Variants in PPP1R26 observed in about 807,000 individuals in gnomAD.
PPP1R26 encodes the protein protein phosphatase 1 regulatory subunit 26.
PPP1R26 carries 22 observed loss-of-function variants against 67.6 expected under a neutral mutation model. That is an observed-to-expected ratio of 0.33 (90% CI 0.23 to 0.46). The LOEUF (loss-of-function observed/expected upper bound fraction) is 0.46. Ranked by LOEUF, PPP1R26 falls within the 20% of genes least tolerant of loss-of-function variation. PPP1R26 has a pLI of 1.00. For synonymous variants in PPP1R26, 729 were observed against 717.2 expected (o/e 1.02, Z -0.26); for missense variants, 1,602 against 1,651.4 (o/e 0.97, Z 0.52).
rs1289978823 is a variant in PPP1R26, at chr9:135,484,619, G to A, written c.109G>A (p.Gly37Ser). ...CAGGTGCTTCTCGGAGGCTGACGAG[G>A]GCGTGGAGAGCGCGTCGGTGAGCGC... The part of the protein sequence containing the change: ...FPRCFSEADE[G>S]VESASVSARV... Residue 37 changes from glycine to serine, a missense_variant, in exon 4 of 4, where the codon GGC (glycine) becomes AGC (serine). Gly to Ser is a moderately conservative substitution (Grantham distance 56). This residue lies in a region of PPP1R26 where 168 missense variants were observed against 176.1 expected (regional missense o/e 0.95). Coordinates refer to ENST00000356818, the MANE Select transcript of PPP1R26 (RefSeq NM_014811.5). 2 of 1,612,062 alleles carry A rather than the reference G, an allele frequency of 1.2e-6. No homozygotes were observed. The highest frequency in any genetic ancestry group is 2.7e-5 in the African/African-American group (2 of 74,946).
chr9:135,483,817 T>C, intron 2 of PPP1R26, 133 bp from the exon 3 acceptor site: 1 of 390,204 alleles, frequency 2.6e-6, no homozygotes, highest in Non-Finnish European at 4.5e-6. Context: ...AGAATAACAA[T>C]GCAGTCCCAT....
chr9:135,484,558 G>C lies in PPP1R26; in HGVS notation c.48G>C (p.Trp16Cys). Residue 16 changes from tryptophan to cysteine, a missense_variant, in exon 4 of 4, where the codon TGG becomes TGC. This residue lies in a region of PPP1R26 where 168 missense variants were observed against 176.1 expected (regional missense o/e 0.95). Transcript: ENST00000356818. ...CAGTGGTTGCTCTCCAGTCCAAATG[G>C]GAGGCCTTTGGCCCGCCAGGGAGCT... is the stretch of plus-strand genomic sequence containing the variant. ...ASPVVALQSK[W>C]EAFGPPGSCR... The C allele has an allele frequency of 6.2e-7, 1 of 1,611,314 alleles. No homozygotes were observed. The highest frequency in any genetic ancestry group is 1.3e-5 in the African/African-American group (1 of 74,908).
Position 135,487,562 on chromosome 9 carries a change from G to A in PPP1R26, c.3052G>A (p.Gly1018Arg). 1.3e-6 allele frequency: 2 copies of A among 1,558,602 alleles called. No individual in the cohort carries two copies. The highest frequency in any genetic ancestry group is 1.4e-5 in the African/African-American group (1 of 73,524). ...CAGCCCGGGAGCGGAGAGGGACGCT[G>A]GAGCCCAGGCCGACCGCACACCGCC... ...TPSPGAERDA[G>R]AQADRTPPWS... The change falls in exon 4 of 4, where the codon GGA (glycine) becomes AGA (arginine). Residue 1018 changes from glycine to arginine, a missense_variant. Coordinates refer to ENST00000356818, the MANE Select transcript of PPP1R26 (RefSeq NM_014811.5).
chr9:135,488,215 G>A lies in PPP1R26; in HGVS notation c.*75G>A. The A allele has an allele frequency of 6.9e-7, 1 of 1,454,302 alleles. No homozygotes were observed. Among genetic ancestry groups the A allele is most frequent in the Non-Finnish European group, 9.1e-7 (1 of 1,103,972 alleles). 90.1% of individuals were successfully genotyped at this position (1,454,302 alleles called of 1,614,324 possible). On this transcript the variant is annotated 3_prime_UTR_variant, in exon 4 of 4. Coordinates refer to ENST00000356818, the MANE Select transcript of PPP1R26 (RefSeq NM_014811.5). The stretch of plus-strand genomic sequence containing the variant: ...CGGCGTAGCCGTGCGTGTGTGTGAT[G>A]GTTCCGTGGCTGCAAGGAAGGGAAA...
intron 2 of PPP1R26, chr9:135,483,486 A>G (rs950327940): frequency 1.3e-5 from 2 of 152,754 alleles, no homozygotes; most frequent in African/African-American, 4.8e-5. Flanking sequence ...AGGGGAGTTC[A>G]GTGTCCATAA....
At chr9:135,479,628 C>CA (rs935117869), upstream of PPP1R26, 4 of 145,520 alleles carry the variant, frequency 2.7e-5, no homozygotes, top group Non-Finnish European at 6.1e-5. The surrounding 1 kb of genome is among the most constrained non-coding windows in gnomAD (Gnocchi z 5.9). Flanking sequence ...GGGGTCCGGC[C>CA]GGGCCGCGCG....
chr9:135,484,198 C>T (rs1021830068), intron 3 of PPP1R26, 116 bp downstream of exon 3: 2 of 473,352 alleles, frequency 4.2e-6, no homozygotes, highest in African/African-American at 4.0e-5. Flanking sequence ...TGGTTGGAAA[C>T]ATTTTCTTAC....
Position 135,484,894 on chromosome 9 carries a change from C to A in PPP1R26, c.384C>A (p.Ser128=). 6 of 1,598,248 alleles carry A rather than the reference C, an allele frequency of 3.8e-6. No individual in the cohort carries two copies. Among genetic ancestry groups the A allele is most frequent in the Non-Finnish European group, 5.1e-6 (6 of 1,171,930 alleles). ...PLVLDSDSDD[S]VDRDIEEAIQ... ...TGCTAGATTCAGACAGTGATGATTCCGTGGACAGGGACATTGAGGAGGCCA... is the reference window on the plus strand; with the variant it reads ...TGCTAGATTCAGACAGTGATGATTCAGTGGACAGGGACATTGAGGAGGCCA... The change falls in exon 4 of 4, where the codon TCC becomes TCA. Residue 128 remains serine (S), a synonymous_variant. Coordinates refer to ENST00000356818, the MANE Select transcript of PPP1R26 (RefSeq NM_014811.5).
rs983394920 is a variant in PPP1R26 at position 135,487,601 on chromosome 9, G to T, written c.3091G>T (p.Ala1031Ser). The change falls in exon 4 of 4, where the codon GCC becomes TCC. Residue 1031 changes from alanine (A) to serine (S), a missense_variant. By Grantham distance (99) the Ala-to-Ser change is moderately conservative. Coordinates refer to ENST00000356818, the MANE Select transcript of PPP1R26 (RefSeq NM_014811.5). ...CCGCACACCGCCCTGGAGCGACTTC[G>T]CCCACCAGAGTCGGCTGCCCAGCCC... is the stretch of plus-strand genomic sequence containing the variant. ...ADRTPPWSDF[A>S]HQSRLPSPWV... 1 of 1,494,056 alleles carries T rather than the reference G, an allele frequency of 6.7e-7. No individual in the cohort carries two copies. Among genetic ancestry groups the T allele is most frequent in the Non-Finnish European group, 8.9e-7 (1 of 1,120,814 alleles). 92.5% of individuals were successfully genotyped at this position (1,494,056 alleles called of 1,614,324 possible).
chr9:135,485,971 C>T lies in PPP1R26; in HGVS notation c.1461C>T (p.Ile487=), dbSNP rs2119293588. The T allele has an allele frequency of 6.2e-7, 1 of 1,613,306 alleles. No individual in the cohort carries two copies. Among genetic ancestry groups the T allele is most frequent in the East Asian group, 2.2e-5 (1 of 44,882 alleles). ...CTGAGCTGATGTGTGCAGAAGCAATCCTGGACATCTCCAAGACGATCCTGC... is the reference window on the plus strand; with the variant it reads ...CTGAGCTGATGTGTGCAGAAGCAATTCTGGACATCTCCAAGACGATCCTGC... ...TSAELMCAEA[I]LDISKTILPA... Residue 487 remains isoleucine, a synonymous_variant, in exon 4 of 4, where the codon ATC becomes ATT. Coordinates refer to ENST00000356818, the MANE Select transcript of PPP1R26 (RefSeq NM_014811.5). The surrounding 1 kb of genome is among the most constrained non-coding windows in gnomAD (Gnocchi z 7.2).
rs941889572 is a variant in PPP1R26 at position 135,484,055 on chromosome 9, T to G, written c.-90T>G. 4.9e-6 allele frequency: 2 copies of G among 405,096 alleles called. No homozygotes were observed. Among genetic ancestry groups the G allele is most frequent in the African/African-American group, 4.1e-5 (2 of 48,668 alleles). 25.1% of individuals were successfully genotyped at this position (405,096 alleles called of 1,614,324 possible). A position where few individuals can be genotyped will look rare whatever the true frequency, so the allele number is the denominator to read the frequency against. On this transcript the variant is annotated 5_prime_UTR_variant, in exon 3 of 4. Coordinates refer to ENST00000356818, the MANE Select transcript of PPP1R26 (RefSeq NM_014811.5). ...CAAAGAAGCATTTGCAGACGTTGTC[T>G]CATGGGTACCGCTTGCCAACTTTGG...
chr9:135,486,314 G>C lies in PPP1R26; in HGVS notation c.1804G>C (p.Val602Leu). The C allele has an allele frequency of 1.2e-6, 2 of 1,613,028 alleles. No homozygotes were observed. The highest frequency in any genetic ancestry group is 1.7e-6 in the Non-Finnish European group (2 of 1,180,022). ...CKRKRRGGGH[V>L]RPSTPKKMQE... ...AAGGAAGCGTAGAGGTGGTGGCCATGTGAGGCCATCCACGCCCAAGAAAAT... is the reference window on the plus strand; with the variant it reads ...AAGGAAGCGTAGAGGTGGTGGCCATCTGAGGCCATCCACGCCCAAGAAAAT... The change falls in exon 4 of 4, where the codon GTG becomes CTG. Residue 602 changes from valine (V) to leucine (L), a missense_variant. This residue lies in a region of PPP1R26 where 680 missense variants were observed against 726.1 expected (regional missense o/e 0.94). Transcript: ENST00000356818. The surrounding 1 kb of genome is among the most constrained non-coding windows in gnomAD (Gnocchi z 6.2).
chr9:135,482,119 T>A (rs562679728), intron 1 of PPP1R26, among the ~76,000 whole-genome samples: 2 of 152,354 alleles, frequency 1.3e-5, no homozygotes, highest in East Asian at 3.9e-4. Context: ...CTTAAGGTAG[T>A]ATTTAAGGTA....
chr9:135,485,226 A>G lies in PPP1R26; in HGVS notation c.716A>G (p.Gln239Arg). The change falls in exon 4 of 4, where the codon CAG becomes CGG. Residue 239 changes from glutamine (Q) to arginine (R), a missense_variant. By Grantham distance (43) the Gln-to-Arg change is conservative (BLOSUM62 1). Coordinates refer to ENST00000356818, the MANE Select transcript of PPP1R26 (RefSeq NM_014811.5). The surrounding 1 kb of genome is among the most constrained non-coding windows in gnomAD (Gnocchi z 7.2). ...EIEQFLNEKR[Q>R]HETQKCDGSV... ...GAACAGTTTCTGAATGAGAAGAGAC[A>G]GCATGAGACCCAAAAATGTGATGGG... The G allele has an allele frequency of 2.5e-6, 4 of 1,612,932 alleles. No homozygotes were observed. The highest frequency in any genetic ancestry group is 3.4e-6 in the Non-Finnish European group (4 of 1,179,918).
chr9:135,479,413 C>G (rs1830432471), upstream of PPP1R26, among the ~76,000 whole-genome samples: 1 of 151,492 alleles, frequency 6.6e-6, no homozygotes, highest in African/African-American at 2.4e-5. The surrounding 1 kb of genome is among the most constrained non-coding windows in gnomAD (Gnocchi z 5.9). Context: ...GCCCCCCGCG[C>G]CCAGAACTTC....
chr9:135,483,921 G>T, intron 2 of PPP1R26, 29 bp from the exon 3 acceptor site: 1 of 398,808 alleles, frequency 2.5e-6, no homozygotes, highest in South Asian at 1.3e-4. Flanking sequence ...ATTTCTGAGT[G>T]GCTCACATCA....
rs1830657052 is a variant in PPP1R26, at chr9:135,484,981, A to G, written c.471A>G (p.Pro157=). ...AAQPGAGGAQ[P]GAAQPSRAAG... ...AGCCCGGGGCCGGCGGGGCCCAGCC[A>G]GGTGCAGCCCAGCCTTCCAGGGCCG... The change falls in exon 4 of 4, where the codon CCA becomes CCG. Residue 157 remains proline (P), a synonymous_variant. Coordinates refer to ENST00000356818, the MANE Select transcript of PPP1R26 (RefSeq NM_014811.5). 2.5e-6 allele frequency: 4 copies of G among 1,580,818 alleles called. No individual in the cohort carries two copies. Among genetic ancestry groups the G allele is most frequent in the South Asian group, 2.3e-5 (2 of 85,562 alleles).
rs1295111326 is a variant in PPP1R26, at chr9:135,485,354, G to C, written c.844G>C (p.Gly282Arg). 8 of 1,612,716 alleles carry C rather than the reference G, an allele frequency of 5.0e-6. No homozygotes were observed. Among genetic ancestry groups the C allele is most frequent in the Non-Finnish European group, 5.9e-6 (7 of 1,180,012 alleles). The change falls in exon 4 of 4, where the codon GGC (glycine) becomes CGC (arginine). Residue 282 changes from glycine (G) to arginine (R), a missense_variant. By Grantham distance (125) the Gly-to-Arg change is moderately radical (BLOSUM62 -2). Transcript: ENST00000356818. The surrounding 1 kb of genome is among the most constrained non-coding windows in gnomAD (Gnocchi z 7.2). ...GGTGGTGCATCGGCAGGGCCTGCTG[G>C]GCGTCCAGAAGGAGTTTGCCTTCCG... ...TKVVHRQGLL[G>R]VQKEFAFRKP...
In PPP1R26 at chr9:135,482,820, T is replaced by C. The variant is rs116143491; in HGVS notation, c.-196+5T>C. The C allele has an allele frequency of 1.9e-4, 77 of 398,476 alleles. No individual in the cohort carries two copies. The highest frequency in any genetic ancestry group is 1.3e-3 in the African/African-American group (64 of 48,712). The allele number at this position is 398,476 out of a possible 1,614,324, so 24.7% of individuals were successfully genotyped here. On this transcript the variant is annotated splice_donor_5th_base_variant and intron_variant, in intron 2 of 3. Transcript: ENST00000356818. ...CCTGGACTCACAGAATTTCAAGTAA[T>C]TTCAAGTAATTCTTGTATTTTAGTT... is the stretch of plus-strand genomic sequence containing the variant.
Sources: allele counts gnomAD v4.1 joint callset (sites outside exome capture counted in the v4.1 genomes callset), GRCh38; gene constraint gnomAD v4.1.1; regional missense constraint gnomAD v4.1.1; non-coding constraint Gnocchi (gnomAD v3.1); transcripts MANE v1.5; gene names NCBI Gene and HGNC (gene_info 2026-07-23, HGNC 2026-07-21).